GLDN: variants seen among roughly 807,000 people sequenced by gnomAD.
The protein encoded by GLDN is collomin.
A neutral mutation model predicts 56.5 loss-of-function variants in GLDN; 47 were observed. The observed-to-expected ratio is 0.83, with a 90% CI of 0.66 to 1.06. The LOEUF (loss-of-function observed/expected upper bound fraction) is 1.06, where lower values mean the gene tolerates loss of function less well. GLDN is among the 50% of genes least tolerant of loss of function. The pLI, the probability that GLDN is intolerant of heterozygous loss-of-function variation, is 0.00. For missense variants in GLDN, 782 were observed against 714.3 expected (o/e 1.09, Z -1.08); for synonymous variants, 332 against 278.8 (o/e 1.19, Z -1.90).
intron 4 of GLDN, among the ~76,000 whole-genome samples, chr15:51,386,747 C>A (rs1188229243): frequency 3.3e-5 from 5 of 152,280 alleles, no homozygotes; most frequent in African/African-American, 1.2e-4. Context: ...AGGGGTGAAG[C>A]CAGCAGTTCC....
At chr15:51,408,848 A>G (rs1439820466), downstream of GLDN, among the ~76,000 whole-genome samples, 1 of 152,038 alleles carries the variant, frequency 6.6e-6, no homozygotes, top group Non-Finnish European at 1.5e-5. Context: ...ATGTCCCTAC[A>G]AAGGACATGA....
intron 1 of GLDN, among the ~76,000 whole-genome samples, chr15:51,353,839 A>T (rs1341776830): frequency 6.6e-6 from 1 of 151,520 alleles, no homozygotes; most frequent in East Asian, 1.9e-4. Flanking sequence ...ATTCTTGGCC[A>T]AATCTACTTG....
At chr15:51,342,069 C>G (rs191828003) in intron 1 of GLDN, 22 bp downstream of exon 1, 3 of 1,589,098 alleles carry the variant, frequency 1.9e-6, no homozygotes, top group Non-Finnish European at 2.6e-6. Context: ...CTCTGTTCCC[C>G]GTGGCGCCCC....
At chr15:51,410,576 C>G (rs939213317), downstream of GLDN, among the ~76,000 whole-genome samples, 1 of 152,186 alleles carries the variant, frequency 6.6e-6, no homozygotes, top group African/African-American at 2.4e-5. Flanking sequence ...CACCTCCTTT[C>G]CACAGGTGTT....
chr15:51,354,266 C>T (rs2037133329), intron 1 of GLDN, among the ~76,000 whole-genome samples: 1 of 152,154 alleles, frequency 6.6e-6, no homozygotes, highest in African/African-American at 2.4e-5. Flanking sequence ...AATAAGTGTA[C>T]TCCAAAATGT....
At chr15:51,393,550 T>C (rs1170477293) in intron 4 of GLDN, among the ~76,000 whole-genome samples, 3 of 152,210 alleles carry the variant, frequency 2.0e-5, no homozygotes, top group Admixed American at 6.5e-5. Flanking sequence ...AAGTCATCCT[T>C]CAGTCACAGG....
intron 1 of GLDN, among the ~76,000 whole-genome samples, chr15:51,358,659 T>A (rs2037232877): frequency 1.3e-5 from 2 of 152,170 alleles, no homozygotes; most frequent in African/African-American, 4.8e-5. Flanking sequence ...CACTAGGGGA[T>A]GACTAGGGGT....
At chr15:51,376,140 G>T (rs966310196) in intron 1 of GLDN, among the ~76,000 whole-genome samples, 1 of 152,120 alleles carries the variant, frequency 6.6e-6, no homozygotes, top group Non-Finnish European at 1.5e-5. Flanking sequence ...TAAGAAATAC[G>T]TCATTAGGCA....
In GLDN at chr15:51,384,007, A is replaced by G. The variant is rs1426934925; in HGVS notation, c.541+115A>G. 16 of 833,338 alleles carry G rather than the reference A, an allele frequency of 1.9e-5. No individual in the cohort carries two copies. In the East Asian group the frequency reaches 3.7e-4, roughly 19 times the overall value. 51.6% of individuals were successfully genotyped at this position (833,338 alleles called of 1,614,324 possible). A position where few individuals can be genotyped will look rare whatever the true frequency, so the allele number is the denominator to read the frequency against. On this transcript the variant is annotated intron_variant, in intron 4 of 9. Transcript: ENST00000335449. ...AGGTGTTTCATCTCTGCACAGTTTAAGGCCGGTTTAACTCTTACCTAGAAG... is the reference window on the plus strand; with the variant it reads ...AGGTGTTTCATCTCTGCACAGTTTAGGGCCGGTTTAACTCTTACCTAGAAG...
chr15:51,394,882 G>A lies in GLDN; in HGVS notation c.589G>A (p.Asp197Asn). The part of the protein sequence containing the change: ...GNPGERGEKG[D>N]HGELGLQGNE... ...TCCAGGGGAAAGGGGAGAAAAGGGA[G>A]ACCATGGTGAACTGGGCCTGCAGGG... Residue 197 changes from aspartate (D) to asparagine (N), a missense_variant, in exon 5 of 10, where the codon GAC (aspartate) becomes AAC (asparagine). Physicochemically the swap from Asp to Asn is conservative, Grantham distance 23 (BLOSUM62 1). Coordinates refer to ENST00000335449, the MANE Select transcript of GLDN (RefSeq NM_181789.4). 6.2e-7 allele frequency: 1 copy of A among 1,613,756 alleles called. No homozygotes were observed. The highest frequency in any genetic ancestry group is 8.5e-7 in the Non-Finnish European group (1 of 1,179,784).
chr15:51,383,532 C>T (rs1027601834), intron 3 of GLDN, 79 bp downstream of exon 3: 51 of 1,530,504 alleles, frequency 3.3e-5, no homozygotes, highest in African/African-American at 1.2e-4. Context: ...GGGACAGATG[C>T]GGGGAGGGCA....
At chr15:51,402,398 G>A (rs1040624203) in intron 9 of GLDN, among the ~76,000 whole-genome samples, 1 of 152,170 alleles carries the variant, frequency 6.6e-6, no homozygotes, top group Non-Finnish European at 1.5e-5. Flanking sequence ...GTCATCTTGG[G>A]CAAATCAAGA....
intron 6 of GLDN, among the ~76,000 whole-genome samples, chr15:51,399,933 G>A (rs766794798): frequency 5.3e-5 from 8 of 152,180 alleles, no homozygotes; most frequent in Non-Finnish European, 7.3e-5. Flanking sequence ...TTTTACTGAC[G>A]TCCTTTTGGG....
intron 1 of GLDN, among the ~76,000 whole-genome samples, chr15:51,359,853 C>G (rs1204293727): frequency 6.6e-6 from 1 of 151,866 alleles, no homozygotes; most frequent in Non-Finnish European, 1.5e-5. Flanking sequence ...GTGGCAGGCA[C>G]CTGTAGTCCC....
chr15:51,377,576 CT>C, intron 2 of GLDN, 76 bp downstream of exon 2: 1 of 1,042,858 alleles, frequency 9.6e-7, no homozygotes, highest in Non-Finnish European at 1.4e-6. Context: ...GAATGAACGC[CT>C]AGGGACACTT....
Position 51,404,387 on chromosome 15 carries a change from A to G in GLDN, c.1289A>G (p.Asp430Gly). ...AAAACTTACTTCAATCTAGCTGTAG[A>G]TGAAAAGGGCCTTTGGATTATCTAT... ...NSKTYFNLAV[D>G]EKGLWIIYAS... The change falls in exon 10 of 10, where the codon GAT (aspartate) becomes GGT (glycine). Residue 430 changes from aspartate (D) to glycine (G), a missense_variant. Transcript: ENST00000335449. 1 of 1,614,198 alleles carries G rather than the reference A, an allele frequency of 6.2e-7. No individual in the cohort carries two copies. The highest frequency in any genetic ancestry group is 1.1e-5 in the South Asian group (1 of 91,066).
intron 8 of GLDN, 29 bp from the exon 9 acceptor site, chr15:51,401,564 A>G: frequency 6.3e-7 from 1 of 1,599,474 alleles, no homozygotes; most frequent in Non-Finnish European, 8.5e-7. Flanking sequence ...GAGGTAGGTA[A>G]CAGCCTCTCC....
At chr15:51,357,389 T>A (rs1038266066) in intron 1 of GLDN, among the ~76,000 whole-genome samples, 2 of 152,192 alleles carry the variant, frequency 1.3e-5, no homozygotes, top group Non-Finnish European at 2.9e-5. Context: ...GTCTGGGATT[T>A]CTCCAAAGCG....
intron 1 of GLDN, among the ~76,000 whole-genome samples, chr15:51,368,245 C>G (rs565226745): frequency 7.6e-4 from 116 of 152,174 alleles, no homozygotes; most frequent in Non-Finnish European, 1.4e-3. Context: ...ATGTGGCAAA[C>G]AGAAAAAGGA....
Sources: allele counts gnomAD v4.1 joint callset (sites outside exome capture counted in the v4.1 genomes callset), GRCh38; gene constraint gnomAD v4.1.1; transcripts MANE v1.5; gene names NCBI Gene and HGNC (gene_info 2026-07-23, HGNC 2026-07-21).